Variants in WWOX observed in about 807,000 individuals in gnomAD.
WWOX encodes the protein WW domain containing oxidoreductase, also known as WW domain-containing oxidoreductase.
A neutral mutation model predicts 46.2 loss-of-function variants in WWOX; 69 were observed. The observed-to-expected ratio is 1.49, with a 90% CI of 1.23 to 1.82. The LOEUF (loss-of-function observed/expected upper bound fraction) is 1.82. Ranked by LOEUF, WWOX falls within the 40% of genes most tolerant of loss-of-function variation. The pLI, the probability that WWOX is intolerant of heterozygous loss-of-function variation, is 0.00. For synonymous variants in WWOX, 359 were observed against 202.6 expected, an observed-to-expected ratio of 1.77 and a Z score of -6.56; for missense variants, 919 against 542.6, an observed-to-expected ratio of 1.69 and a Z score of -6.89.
intron 6 of WWOX, among the ~76,000 whole-genome samples, chr16:78,395,029 C>G (rs946449027): frequency 6.6e-6 from 1 of 152,194 alleles, no homozygotes; most frequent in African/African-American, 2.4e-5. Context: ...CATGAAATTA[C>G]CAGACACATC....
intron 8 of WWOX, among the ~76,000 whole-genome samples, chr16:78,976,138 G>A (rs779529583): frequency 6.6e-6 from 1 of 152,148 alleles, no homozygotes; most frequent in African/African-American, 2.4e-5. Context: ...CGAATATCCT[G>A]CACCGTTCCT....
chr16:78,822,447 C>A (rs1353538773), intron 8 of WWOX, among the ~76,000 whole-genome samples: 1 of 151,752 alleles, frequency 6.6e-6, no homozygotes, highest in Non-Finnish European at 1.5e-5. Context: ...TCAGCTGAGA[C>A]TGCGCCAGTG....
chr16:79,132,035 C>T (rs1180475066), intron 8 of WWOX, among the ~76,000 whole-genome samples: 1 of 151,930 alleles, frequency 6.6e-6, no homozygotes, highest in East Asian at 1.9e-4. Context: ...AGGTCCCTTC[C>T]ATAACACATG....
At chr16:78,253,576 A>G (rs1296642227) in intron 5 of WWOX, among the ~76,000 whole-genome samples, 1 of 152,224 alleles carries the variant, frequency 6.6e-6, no homozygotes, top group Non-Finnish European at 1.5e-5. Flanking sequence ...CCGTCTTCTC[A>G]TGACCCATGA....
At chr16:79,036,562 T>C (rs772041495) in intron 8 of WWOX, among the ~76,000 whole-genome samples, 1 of 152,162 alleles carries the variant, frequency 6.6e-6, no homozygotes, top group Non-Finnish European at 1.5e-5. Context: ...TTATCGGAGC[T>C]CTTGGCTTAA....
chr16:78,923,427 C>CT (rs2045425525), intron 8 of WWOX, among the ~76,000 whole-genome samples: 1 of 152,132 alleles, frequency 6.6e-6, no homozygotes, highest in Non-Finnish European at 1.5e-5. Context: ...CAGGTCCAGC[C>CT]TGCTATTTTT....
At chr16:78,215,505 C>T (rs1394142867) in intron 5 of WWOX, among the ~76,000 whole-genome samples, 3 of 152,220 alleles carry the variant, frequency 2.0e-5, no homozygotes, top group Non-Finnish European at 4.4e-5. Flanking sequence ...GTGCTTGCTT[C>T]TGCTTTGCCT....
At chr16:79,087,653 A>G (rs924441563) in intron 8 of WWOX, among the ~76,000 whole-genome samples, 1 of 152,240 alleles carries the variant, frequency 6.6e-6, no homozygotes, top group Non-Finnish European at 1.5e-5. Context: ...CTGTTGGCCC[A>G]TGGCAACACC....
intron 8 of WWOX, among the ~76,000 whole-genome samples, chr16:79,132,825 T>A (rs1226234282): frequency 6.6e-6 from 1 of 152,318 alleles, no homozygotes; most frequent in East Asian, 1.9e-4. Flanking sequence ...TCCCAATTAT[T>A]TAGGTGGCCA....
chr16:79,103,524 T>A (rs2049245414), intron 8 of WWOX, among the ~76,000 whole-genome samples: 1 of 152,176 alleles, frequency 6.6e-6, no homozygotes, highest in South Asian at 2.1e-4. Flanking sequence ...AGAACACCCG[T>A]TTCATTATGG....
chr16:78,928,969 A>C (rs778948983), intron 8 of WWOX, among the ~76,000 whole-genome samples: 1 of 152,232 alleles, frequency 6.6e-6, no homozygotes, highest in Admixed American at 6.5e-5. Context: ...CTTTACATGT[A>C]TGCATGCATA....
chr16:78,997,877 A>G (rs2047020567), intron 8 of WWOX, among the ~76,000 whole-genome samples: 1 of 151,608 alleles, frequency 6.6e-6, no homozygotes, highest in Non-Finnish European at 1.5e-5. Context: ...AGCTTCCAAC[A>G]TTCTTTCTTT....
At chr16:78,933,979 G>A (rs1302300129) in intron 8 of WWOX, among the ~76,000 whole-genome samples, 1 of 151,896 alleles carries the variant, frequency 6.6e-6, no homozygotes, top group Non-Finnish European at 1.5e-5. Flanking sequence ...ATTACTTGAG[G>A]CCAGGAGTTT....
intron 5 of WWOX, among the ~76,000 whole-genome samples, chr16:78,314,359 T>A (rs2080310663): frequency 7.2e-6 from 1 of 139,612 alleles, no homozygotes; most frequent in Admixed American, 7.6e-5. Context: ...TGAGCCGAGA[T>A]CGAGCCACTG....
chr16:79,061,839 C>A (rs893357173), intron 8 of WWOX, among the ~76,000 whole-genome samples: 13 of 152,202 alleles, frequency 8.5e-5, no homozygotes, highest in African/African-American at 2.9e-4. Flanking sequence ...TACTCACCAC[C>A]TCCTGACAAG....
chr16:79,174,377 G>C (rs957057638), intron 8 of WWOX, among the ~76,000 whole-genome samples: 3 of 152,220 alleles, frequency 2.0e-5, no homozygotes, highest in Admixed American at 1.3e-4. Context: ...AGCCGGGTGT[G>C]GTGGCTCACG....
intron 8 of WWOX, among the ~76,000 whole-genome samples, chr16:78,954,573 G>T (rs2046127026): frequency 6.6e-6 from 1 of 152,124 alleles, no homozygotes; most frequent in African/African-American, 2.4e-5. Context: ...AGCAGCGAAG[G>T]CCAAGCCAGT....
At chr16:78,762,078 G>C (rs1862642) in intron 8 of WWOX, among the ~76,000 whole-genome samples, 84,679 of 152,046 alleles carry the variant, frequency 0.56, 27,076 homozygotes, top group Non-Finnish European at 0.72. Flanking sequence ...CCTTTTCACT[G>C]AAGTTCTCTG....
chr16:78,696,173 A>G (rs1398817638), intron 8 of WWOX, among the ~76,000 whole-genome samples: 2 of 152,200 alleles, frequency 1.3e-5, no homozygotes, highest in African/African-American at 4.8e-5. Context: ...CCTAGGGGCT[A>G]CATTCCTCCG....
Sources: gnomAD v4.1 joint callset for allele counts (sites outside exome capture counted in the v4.1 genomes callset) on GRCh38, gnomAD v4.1.1 for gene constraint, MANE v1.5 for transcripts, NCBI Gene and HGNC (gene_info 2026-07-23, HGNC 2026-07-21) for gene names.